ANO4: variants seen among roughly 807,000 people sequenced by gnomAD.
ANO4 encodes anoctamin 4, also known as anoctamin-4.
ANO4 carries 69 observed loss-of-function variants against 141.9 expected under a neutral mutation model. The ratio of observed to expected loss-of-function variants is 0.49; its 90% CI spans 0.40 to 0.59. ANO4 has a LOEUF of 0.59. Ranked by LOEUF, ANO4 falls within the 20% of genes least tolerant of loss-of-function variation. The pLI is 0.00. For synonymous variants in ANO4, 350 were observed against 394.3 expected (o/e 0.89, Z 1.33); for missense variants, 894 against 1,162.2 (o/e 0.77, Z 3.36).
chr12:100,853,371 C>T (rs2037987638), intron 1 of ANO4, among the ~76,000 whole-genome samples: 1 of 152,126 alleles, frequency 6.6e-6, no homozygotes, highest in Admixed American at 6.5e-5. Flanking sequence ...ACTCCAACTT[C>T]ATGAAGATAT....
At chr12:100,812,159 A>G (rs977111436) in intron 1 of ANO4, among the ~76,000 whole-genome samples, 3 of 152,188 alleles carry the variant, frequency 2.0e-5, no homozygotes, top group African/African-American at 7.2e-5. Context: ...CATCTGGCAT[A>G]AAGTAGGAGC....
intron 14 of ANO4, among the ~76,000 whole-genome samples, chr12:101,074,373 A>G (rs1237091065): frequency 6.6e-6 from 1 of 152,174 alleles, no homozygotes; most frequent in Non-Finnish European, 1.5e-5. Context: ...CTACCCGTCC[A>G]GAAGGGGAAA....
chr12:100,734,967 C>T (rs1253429682), intron 2 of ANO4, among the ~76,000 whole-genome samples: 2 of 152,140 alleles, frequency 1.3e-5, no homozygotes, highest in Non-Finnish European at 2.9e-5. Context: ...TGTTATTTTG[C>T]TGAAATGCAG....
chr12:101,102,551 C>G (rs1026040666), intron 22 of ANO4, among the ~76,000 whole-genome samples: 7 of 151,892 alleles, frequency 4.6e-5, no homozygotes, highest in Non-Finnish European at 1.0e-4. Context: ...TTGTGGGTAT[C>G]TGTCTTTTCC....
At chr12:100,752,070 A>T (rs2032408838) in intron 3 of ANO4, among the ~76,000 whole-genome samples, 1 of 152,224 alleles carries the variant, frequency 6.6e-6, no homozygotes. Context: ...TATAAGACTC[A>T]AATGAGATAA....
intron 15 of ANO4, among the ~76,000 whole-genome samples, chr12:101,079,933 G>T (rs995885874): frequency 6.6e-5 from 10 of 152,140 alleles, no homozygotes; most frequent in Admixed American, 3.9e-4. Flanking sequence ...TCGGAAGTCT[G>T]AAGTACCCAC....
At chr12:101,013,994 C>T (rs2046210624) in intron 8 of ANO4, among the ~76,000 whole-genome samples, 1 of 152,174 alleles carries the variant, frequency 6.6e-6, no homozygotes, top group Non-Finnish European at 1.5e-5. Flanking sequence ...TTCCCCAGCT[C>T]ACACCCTTGA....
At chr12:100,778,344 T>G (rs2033602315) in intron 3 of ANO4, among the ~76,000 whole-genome samples, 1 of 152,200 alleles carries the variant, frequency 6.6e-6, no homozygotes, top group Non-Finnish European at 1.5e-5. Flanking sequence ...TCTGGGATCT[T>G]AAGGTTCTTG....
At chr12:100,913,548 A>G (rs2041206396) in intron 2 of ANO4, among the ~76,000 whole-genome samples, 1 of 152,172 alleles carries the variant, frequency 6.6e-6, no homozygotes, top group South Asian at 2.1e-4. Flanking sequence ...TTCCTAATTT[A>G]GAAATTAAGT....
intron 5 of ANO4, among the ~76,000 whole-genome samples, chr12:100,955,295 A>C (rs183346294): frequency 1.3e-5 from 2 of 152,306 alleles, no homozygotes; most frequent in East Asian, 3.9e-4. Flanking sequence ...CAGCACTACT[A>C]GTGTCTGGAG....
At chr12:100,867,839 A>T (rs1403247498) in intron 1 of ANO4, among the ~76,000 whole-genome samples, 1 of 152,162 alleles carries the variant, frequency 6.6e-6, no homozygotes, top group African/African-American at 2.4e-5. Context: ...AGTTTATTCT[A>T]CAGGGAGGGG....
chr12:100,785,927 T>G (rs2033861079), intron 3 of ANO4, among the ~76,000 whole-genome samples: 1 of 152,198 alleles, frequency 6.6e-6, no homozygotes, highest in African/African-American at 2.4e-5. Context: ...TTCATCCCTA[T>G]AAAGGTGTAG....
rs1204643104 is a variant in ANO4 at position 101,128,330 on chromosome 12, TTC to T, written c.*476_*477del. The T allele has an allele frequency of 6.6e-6, 1 of 152,658 alleles. No individual in the cohort carries two copies. Among genetic ancestry groups the T allele is most frequent in the Non-Finnish European group, 1.5e-5 (1 of 68,052 alleles). 9.5% of individuals were successfully genotyped at this position (152,658 alleles called of 1,614,324 possible). ...CAGACAAGACCCTGTTTACAACTTTTTCTTTCCTTTTTTTTAATTTTAGACCT... is the reference window on the plus strand; with the variant it reads ...CAGACAAGACCCTGTTTACAACTTTTTTTCCTTTTTTTTAATTTTAGACCT... On this transcript the variant is annotated 3_prime_UTR_variant, in exon 28 of 28. Coordinates refer to ENST00000392977, the MANE Select transcript of ANO4 (RefSeq NM_001286615.2).
At chr12:100,958,893 C>A (rs1475543320) in intron 5 of ANO4, among the ~76,000 whole-genome samples, 2 of 151,970 alleles carry the variant, frequency 1.3e-5, no homozygotes, top group Non-Finnish European at 2.9e-5. Context: ...AATGACATGG[C>A]ACAAGAAAAA....
intron 3 of ANO4, among the ~76,000 whole-genome samples, chr12:100,782,906 A>G (rs906949225): frequency 5.3e-5 from 8 of 152,198 alleles, no homozygotes; most frequent in South Asian, 2.1e-4. Flanking sequence ...TTCCAGACAC[A>G]TATTTCTACC....
chr12:101,027,654 G>A (rs2046800284), intron 9 of ANO4, among the ~76,000 whole-genome samples: 1 of 152,080 alleles, frequency 6.6e-6, no homozygotes, highest in Non-Finnish European at 1.5e-5. Flanking sequence ...TATATGGTGG[G>A]GCTTCCCTAC....
chr12:100,735,239 G>T (rs1006737682), intron 2 of ANO4, among the ~76,000 whole-genome samples: 1 of 152,186 alleles, frequency 6.6e-6, no homozygotes, highest in Non-Finnish European at 1.5e-5. Context: ...AAACACAAAA[G>T]TAAACCCAGG....
At chr12:100,825,263 A>C (rs539304132) in intron 1 of ANO4, among the ~76,000 whole-genome samples, 1 of 152,166 alleles carries the variant, frequency 6.6e-6, no homozygotes, top group East Asian at 1.9e-4. Context: ...AAAACAAACA[A>C]ATACTGAATC....
At chr12:100,731,429 C>A (rs1017495019) in intron 1 of ANO4, among the ~76,000 whole-genome samples, 3 of 152,152 alleles carry the variant, frequency 2.0e-5, no homozygotes, top group Non-Finnish European at 4.4e-5. Context: ...ACCCTCCTGT[C>A]CCCACATATA....
Sources: allele counts gnomAD v4.1 joint callset (sites outside exome capture counted in the v4.1 genomes callset), GRCh38; gene constraint gnomAD v4.1.1; transcripts MANE v1.5; gene names NCBI Gene and HGNC (gene_info 2026-07-23, HGNC 2026-07-21).